Variants in KRT73 observed in about 807,000 individuals in gnomAD.
KRT73 encodes the protein keratin 73.
KRT73 carries 44 observed loss-of-function variants against 47.2 expected under a neutral mutation model. The ratio of observed to expected loss-of-function variants is 0.93; its 90% CI spans 0.73 to 1.20. The LOEUF (loss-of-function observed/expected upper bound fraction) is 1.20, where lower values mean the gene tolerates loss of function less well. Ranked by LOEUF, KRT73 falls within the 50% of genes most tolerant of loss-of-function variation. The pLI is 0.00. For missense variants in KRT73, 713 were observed against 704.5 expected, an observed-to-expected ratio of 1.01 and a Z score of -0.14; for synonymous variants, 285 against 291.3, an observed-to-expected ratio of 0.98 and a Z score of 0.22.
At chr12:52,626,412 AG>A in the KRT73 span, among the ~76,000 whole-genome samples, 2 of 152,184 alleles carry the variant, frequency 1.3e-5, no homozygotes, top group African/African-American at 4.8e-5. Flanking sequence ...CTTATTGAAA[AG>A]GTCTGGGTCA....
At position 52,613,732 on chromosome 12, in the gene KRT73, C is replaced by T. The variant is rs114379210; in HGVS notation, c.940G>A (p.Ala314Thr). The change falls in exon 5 of 9, where the codon GCC (alanine) becomes ACC (threonine). Residue 314 changes from alanine to threonine, a missense_variant. Transcript: ENST00000305748. ...TCGGCCTCGGCCTTGCTCTTCCGGG[C>T]GATCTCCTCATACTGGGCACGGACC... ...AEVRAQYEEIARKSKAEAEAL... is the reference protein window; with the variant it reads ...AEVRAQYEEITRKSKAEAEAL... 2.1e-4 allele frequency: 334 copies of T among 1,614,206 alleles called. 1 individual carries two copies. Among genetic ancestry groups the T allele is most frequent in the Admixed American group, 3.3e-4 (20 of 60,032 alleles).
the KRT73 span, among the ~76,000 whole-genome samples, chr12:52,624,831 T>C: frequency 7.3e-6 from 1 of 137,918 alleles, no homozygotes; most frequent in African/African-American, 2.7e-5. Context: ...AAAAAAAAAA[T>C]AGATAAATTG....
chr12:52,626,543 T>A, the KRT73 span, among the ~76,000 whole-genome samples: 1 of 152,180 alleles, frequency 6.6e-6, no homozygotes, highest in Non-Finnish European at 1.5e-5. Flanking sequence ...ACAACTCGTA[T>A]CCCTCTGACC....
chr12:52,616,509 AC>A, intron 1 of KRT73, 129 bp from the exon 2 acceptor site: 2 of 1,114,444 alleles, frequency 1.8e-6, no homozygotes, highest in Non-Finnish European at 2.5e-6. Flanking sequence ...AAAAACTGCC[AC>A]CCATGCCACT....
upstream of KRT73, among the ~76,000 whole-genome samples, chr12:52,623,504 A>T (rs1039266796): frequency 2.1e-4 from 32 of 152,208 alleles, no homozygotes; most frequent in Non-Finnish European, 4.3e-4. Flanking sequence ...AAAGAAAATG[A>T]TAAAAGAAGA....
At position 52,611,232 on chromosome 12, in the gene KRT73, C is replaced by T. The variant is rs774602570; in HGVS notation, c.1082G>A (p.Arg361His). Residue 361 changes from arginine to histidine, a missense_variant, in exon 6 of 9, where the codon CGC (arginine) becomes CAC (histidine). Physicochemically the swap from Arg to His is conservative, Grantham distance 29 (BLOSUM62 0). Transcript: ENST00000305748. ...CTTCTTCACACTCTCAATCTCCGAGCGCAGTCTTTGGATGAGACGGGTCAG... is the reference window on the plus strand; with the variant it reads ...CTTCTTCACACTCTCAATCTCCGAGTGCAGTCTTTGGATGAGACGGGTCAG... ...SELTRLIQRL[R>H]SEIESVKKQC... 32 of 1,614,176 alleles carry T rather than the reference C, an allele frequency of 2.0e-5. No homozygotes were observed. The highest frequency in any genetic ancestry group is 8.3e-5 in the Admixed American group (5 of 60,022).
Position 52,616,168 on chromosome 12 carries a change from C to G in KRT73, c.660G>C (p.Lys220Asn). The G allele has an allele frequency of 6.2e-7, 1 of 1,614,078 alleles. No individual in the cohort carries two copies. Among genetic ancestry groups the G allele is most frequent in the Non-Finnish European group, 8.5e-7 (1 of 1,179,940 alleles). Residue 220 changes from lysine to asparagine, a missense_variant and splice_region_variant, in exon 2 of 9, where the codon AAG becomes AAC. Coordinates refer to ENST00000305748, the MANE Select transcript of KRT73 (RefSeq NM_175068.3). ...SVREVVEDYK[K>N]RYEEEINKRT... The stretch of plus-strand genomic sequence containing the variant: ...GCCTGGAGTGGCGTCCTGCTCACCT[C>G]TTCTTGTAGTCCTCCACCACTTCGC...
rs775256590 is a variant in KRT73 at position 52,611,306 on chromosome 12, G to C, written c.1008C>G (p.Ala336=). The C allele has an allele frequency of 6.2e-7, 1 of 1,614,058 alleles. No homozygotes were observed. The highest frequency in any genetic ancestry group is 2.2e-5 in the East Asian group (1 of 44,866). ...GTTTCAGGTCATCCCCATGCCGGCC[G>C]GCTGCTAGCTGCAGCTCCTGGAACT... ...QTKFQELQLA[A]GRHGDDLKHT... Residue 336 remains alanine, a synonymous_variant, in exon 6 of 9, where the codon GCC becomes GCG. Coordinates refer to ENST00000305748, the MANE Select transcript of KRT73 (RefSeq NM_175068.3).
chr12:52,627,509 C>T, the KRT73 span, among the ~76,000 whole-genome samples: 1 of 152,154 alleles, frequency 6.6e-6, no homozygotes, highest in Non-Finnish European at 1.5e-5. Context: ...TCCAATACAA[C>T]ACCTCTGGAC....
intron 6 of KRT73, 153 bp from the exon 7 acceptor site, chr12:52,610,988 CTG>C: frequency 1.1e-6 from 1 of 887,600 alleles, no homozygotes; most frequent in South Asian, 1.7e-5. Flanking sequence ...CAACCTGAGA[CTG>C]AGAGGCTTGC....
chr12:52,611,169 T>C (rs1208506896), intron 6 of KRT73, 35 bp downstream of exon 6: 2 of 1,613,008 alleles, frequency 1.2e-6, no homozygotes, highest in East Asian at 2.2e-5. Context: ...ACCCCTCCCT[T>C]AGGAGTGAGT....
At chr12:52,614,268 A>G (rs1400436290) in intron 4 of KRT73, 1 of 366,576 alleles carries the variant, frequency 2.7e-6, no homozygotes, top group East Asian at 5.1e-5. Context: ...CCTGCCCAAG[A>G]CCCCAGGAAA....
intron 1 of KRT73, 113 bp from the exon 2 acceptor site, chr12:52,616,493 G>T: frequency 7.3e-7 from 1 of 1,375,814 alleles, no homozygotes; most frequent in South Asian, 1.4e-5. Context: ...ATGAGCCTCA[G>T]CCCTTAAAAA....
chr12:52,617,983 G>T, intron 1 of KRT73, 95 bp downstream of exon 1: 4 of 1,338,488 alleles, frequency 3.0e-6, no homozygotes, highest in Non-Finnish European at 4.1e-6. Flanking sequence ...ATGATTTCTT[G>T]CTCTCAGGCA....
intron 7 of KRT73, 68 bp downstream of exon 7, chr12:52,610,547 C>A: frequency 2.2e-6 from 2 of 889,556 alleles, no homozygotes; most frequent in East Asian, 4.1e-5. Flanking sequence ...CCCCCCGCCC[C>A]CAACCACACT....
Position 52,613,697 on chromosome 12 carries a change from G to A in KRT73, c.975C>T (p.Tyr325=), listed in dbSNP as rs776854692. The A allele has an allele frequency of 3.2e-5, 51 of 1,614,038 alleles. No homozygotes were observed. In the Admixed American group the frequency reaches 7.7e-4, roughly 24 times the overall value. ...RKSKAEAEAL[Y]QTKFQELQLA... is the part of the protein sequence containing the mutation. ...AGTTTTGCGGCCTCACCTTGGTCTG[G>A]TACAGGGCCTCGGCCTCGGCCTTGC... Residue 325 remains tyrosine (Y), a synonymous_variant, in exon 5 of 9, where the codon TAC becomes TAT. Transcript: ENST00000305748.
chr12:52,613,636 T>A, intron 5 of KRT73, 52 bp downstream of exon 5: 4 of 1,602,456 alleles, frequency 2.5e-6, no homozygotes, highest in Non-Finnish European at 2.6e-6. Context: ...CAAGACAGAG[T>A]CTGGAGCAGA....
At chr12:52,618,664 G>A, upstream of KRT73, 1 of 852,380 alleles carries the variant, frequency 1.2e-6, no homozygotes, top group South Asian at 2.1e-5. Flanking sequence ...TTGCCTGGAA[G>A]CAAGAAATCA....
the KRT73 span, among the ~76,000 whole-genome samples, chr12:52,629,426 A>G: frequency 6.6e-6 from 1 of 152,092 alleles, no homozygotes; most frequent in East Asian, 1.9e-4. Flanking sequence ...ATGCAGCGTG[A>G]GTTTCTACAC....
Sources: gnomAD v4.1 joint callset for allele counts (sites outside exome capture counted in the v4.1 genomes callset) on GRCh38, gnomAD v4.1.1 for gene constraint, MANE v1.5 for transcripts, NCBI Gene and HGNC (gene_info 2026-07-23, HGNC 2026-07-21) for gene names.